Variants in BMPR1A observed in about 807,000 individuals in gnomAD.
BMPR1A encodes the protein bone morphogenetic protein receptor type-1A.
In BMPR1A, 7 loss-of-function variants were observed where a neutral mutation model predicts 66.0. The ratio of observed to expected loss-of-function variants is 0.11; its 90% CI spans 0.06 to 0.20. The LOEUF (loss-of-function observed/expected upper bound fraction) is 0.20. Ranked by LOEUF, BMPR1A falls within the 10% of genes least tolerant of loss-of-function variation. The pLI, the probability that BMPR1A is intolerant of heterozygous loss-of-function variation, is 1.00. For missense variants in BMPR1A, 408 were observed against 669.1 expected (o/e 0.61, Z 4.31); for synonymous variants, 200 against 229.7 (o/e 0.87, Z 1.17).
downstream of BMPR1A, chr10:86,931,256 G>GAAAAA (rs1175936602): frequency 5.2e-4 from 34 of 64,782 alleles, no homozygotes; most frequent in East Asian, 5.4e-3. Context: ...AAAAAAAAAA[G>GAAAAA]AAAAAAAAAT....
Position 86,756,779 on chromosome 10 carries a change from A to C in BMPR1A, c.-408A>C. 1 of 151,218 alleles carries C rather than the reference A, an allele frequency of 6.6e-6. No homozygotes were observed. Among genetic ancestry groups the C allele is most frequent in the Non-Finnish European group, 1.5e-5 (1 of 67,664 alleles). 9.4% of individuals were successfully genotyped at this position (151,218 alleles called of 1,614,324 possible). On this transcript the variant is annotated 5_prime_UTR_variant, in exon 1 of 13. Coordinates refer to ENST00000372037, the MANE Select transcript of BMPR1A (RefSeq NM_004329.3). ...TCCGTCCGCGCGCGGCGAAGATCGCACGGCCCGATCGAGGGGCGACCGGGT... is the reference window on the plus strand; with the variant it reads ...TCCGTCCGCGCGCGGCGAAGATCGCCCGGCCCGATCGAGGGGCGACCGGGT...
At chr10:86,904,573 T>C (rs527584551) in intron 7 of BMPR1A, among the ~76,000 whole-genome samples, 1 of 152,204 alleles carries the variant, frequency 6.6e-6, no homozygotes, top group Non-Finnish European at 1.5e-5. Flanking sequence ...CCCGCCCCCT[T>C]AGACCTACCC....
intron 1 of BMPR1A, among the ~76,000 whole-genome samples, chr10:86,800,039 A>G (rs1418185150): frequency 1.3e-5 from 2 of 152,218 alleles, no homozygotes; most frequent in Non-Finnish European, 2.9e-5. Flanking sequence ...ATTCTTTAAC[A>G]TACAGGTTGC....
At chr10:86,803,946 A>G (rs1016724926) in intron 1 of BMPR1A, among the ~76,000 whole-genome samples, 1 of 151,852 alleles carries the variant, frequency 6.6e-6, no homozygotes, top group African/African-American at 2.4e-5. Context: ...TTCTTTTTTG[A>G]CTTTCAGTAA....
chr10:86,795,890 T>C (rs563951156), intron 1 of BMPR1A, among the ~76,000 whole-genome samples: 3 of 152,306 alleles, frequency 2.0e-5, no homozygotes, highest in East Asian at 1.9e-4. Flanking sequence ...TTATCTCAAA[T>C]TGATATTGAG....
chr10:86,865,327 A>G (rs1230190416), intron 2 of BMPR1A, among the ~76,000 whole-genome samples: 1 of 152,192 alleles, frequency 6.6e-6, no homozygotes, highest in South Asian at 2.1e-4. Flanking sequence ...GCCTTAAGTG[A>G]TGACATTACC....
upstream of BMPR1A, chr10:86,756,124 G>C (rs76252828): frequency 0.07 from 10,728 of 152,290 alleles, 922 homozygotes; most frequent in African/African-American, 0.2. Context: ...GGCCGGAGGA[G>C]GGGTCCACGC....
At chr10:86,911,000 C>T (rs1442446561) in intron 7 of BMPR1A, among the ~76,000 whole-genome samples, 1 of 151,692 alleles carries the variant, frequency 6.6e-6, no homozygotes, top group Non-Finnish European at 1.5e-5. Flanking sequence ...ATGAAAAATA[C>T]AAAAATTAGC....
At chr10:86,854,500 T>G (rs1298621370) in intron 2 of BMPR1A, among the ~76,000 whole-genome samples, 2 of 152,226 alleles carry the variant, frequency 1.3e-5, no homozygotes, top group African/African-American at 4.8e-5. Flanking sequence ...CATAAGAAAT[T>G]ACAAAAGTAT....
rs537794730 is a variant in BMPR1A at position 86,858,110 on chromosome 10, TATTA to T, written c.-152-17753_-152-17750del. ...CAGTAAAGTTCTTAATATGAATTAG[TATTA>T]ATTTATTAATTCATTTGCACATTTT... On this transcript the variant is annotated intron_variant, in intron 2 of 12. Transcript: ENST00000372037. 4.2e-4 allele frequency among the ~76,000 whole-genome samples: 64 copies of T among 152,326 alleles called. No individual in the cohort carries two copies. In the East Asian group the frequency reaches 9.5e-3, roughly 23 times the overall value.
intron 1 of BMPR1A, among the ~76,000 whole-genome samples, chr10:86,805,424 A>G (rs894366244): frequency 1.5e-5 from 2 of 134,898 alleles, no homozygotes; most frequent in Non-Finnish European, 3.2e-5. Context: ...GTGAGGTTGT[A>G]TATATTATGC....
intron 1 of BMPR1A, among the ~76,000 whole-genome samples, chr10:86,836,497 C>A (rs576639947): frequency 1.8e-4 from 28 of 152,170 alleles, no homozygotes; most frequent in African/African-American, 6.5e-4. Flanking sequence ...TAAATTCAGT[C>A]TTTAGGAAAC....
Position 86,925,033 on chromosome 10 carries a change from T to C in BMPR1A, c.*1314T>C, listed in dbSNP as rs1358855976. ...AATTTATCAACTGTCAAATATGTTC[T>C]GGACAGCTAAATCATTTGAGATTTT... On this transcript the variant is annotated 3_prime_UTR_variant, in exon 13 of 13. Coordinates refer to ENST00000372037, the MANE Select transcript of BMPR1A (RefSeq NM_004329.3). 1 of 232,200 alleles carries C rather than the reference T, an allele frequency of 4.3e-6. No homozygotes were observed. Among genetic ancestry groups the C allele is most frequent in the Non-Finnish European group, 8.5e-6 (1 of 117,500 alleles). The allele number at this position is 232,200 out of a possible 1,614,324, so 14.4% of individuals were successfully genotyped here. A position where few individuals can be genotyped will look rare whatever the true frequency, so the allele number is the denominator to read the frequency against.
intron 1 of BMPR1A, among the ~76,000 whole-genome samples, chr10:86,812,182 C>T (rs1426633398): frequency 6.6e-6 from 1 of 152,148 alleles, no homozygotes; most frequent in African/African-American, 2.4e-5. Context: ...ACCGGAAAAC[C>T]TCCTGCTATC....
In BMPR1A at chr10:86,913,551, A is replaced by G. The variant is rs377294016; in HGVS notation, c.675+1167A>G. On this transcript the variant is annotated intron_variant, in intron 8 of 12. Coordinates refer to ENST00000372037, the MANE Select transcript of BMPR1A (RefSeq NM_004329.3). ...CGTAGAAAATCCCAAGAATGGTACA[A>G]TAAAACTACTGCAGCCAGTAAATGA... is the stretch of plus-strand genomic sequence containing the variant. Among the ~76,000 whole-genome samples, 14 of 152,310 alleles carry G rather than the reference A, an allele frequency of 9.2e-5. No individual in the cohort carries two copies. In the East Asian group the frequency reaches 1.3e-3, roughly 15 times the overall value.
chr10:86,821,097 A>G (rs1309939675), intron 1 of BMPR1A, among the ~76,000 whole-genome samples: 1 of 152,120 alleles, frequency 6.6e-6, no homozygotes, highest in Non-Finnish European at 1.5e-5. Flanking sequence ...TTCTATCTTA[A>G]TATATTGTGA....
chr10:86,923,562 C>T (rs1169236097), intron 12 of BMPR1A, 32 bp from the exon 13 acceptor site: 6 of 1,614,206 alleles, frequency 3.7e-6, no homozygotes, highest in Non-Finnish European at 5.1e-6. Context: ...CAAATATATT[C>T]TCTGCTCACT....
intron 1 of BMPR1A, among the ~76,000 whole-genome samples, chr10:86,835,588 A>AAAAAAAAG (rs1842334954): frequency 1.5e-5 from 2 of 133,496 alleles, no homozygotes; most frequent in Admixed American, 8.1e-5. Flanking sequence ...AAAAAAAAAA[A>AAAAAAAAG]GGTGTTTTGG....
At chr10:86,853,959 A>G (rs1842607023) in intron 2 of BMPR1A, among the ~76,000 whole-genome samples, 1 of 152,170 alleles carries the variant, frequency 6.6e-6, no homozygotes, top group Non-Finnish European at 1.5e-5. Flanking sequence ...ACCAAAATTT[A>G]TTAGGCGGGA....
Sources: allele counts gnomAD v4.1 joint callset (sites outside exome capture counted in the v4.1 genomes callset), GRCh38; gene constraint gnomAD v4.1.1; transcripts MANE v1.5; gene names NCBI Gene and HGNC (gene_info 2026-07-23, HGNC 2026-07-21).